TGFB1: variants seen among roughly 807,000 people sequenced by gnomAD.
TGFB1 encodes transforming growth factor beta-1 proprotein.
A neutral mutation model predicts 43.8 loss-of-function variants in TGFB1; 19 were observed. That is an observed-to-expected ratio of 0.43 (90% CI 0.30 to 0.64). The LOEUF (loss-of-function observed/expected upper bound fraction) is 0.64. TGFB1 is among the 30% of genes least tolerant of loss of function. The pLI, the probability that TGFB1 is intolerant of heterozygous loss-of-function variation, is 0.11. For missense variants in TGFB1, 445 were observed against 529.8 expected, an observed-to-expected ratio of 0.84 and a Z score of 1.57; for synonymous variants, 221 against 236.3, an observed-to-expected ratio of 0.94 and a Z score of 0.60.
At chr19:41,332,318 G>T in intron 5 of TGFB1, 37 bp from the exon 6 acceptor site, 4 of 1,601,320 alleles carry the variant, frequency 2.5e-6, no homozygotes, top group Non-Finnish European at 3.4e-6. Flanking sequence ...GCAGGGAGGG[G>T]CTACCACCAT....
Position 41,331,122 on chromosome 19 carries a change from T to A in TGFB1, c.1103A>T (p.Tyr368Phe). The A allele has an allele frequency of 6.3e-7, 1 of 1,583,068 alleles. No homozygotes were observed. Among genetic ancestry groups the A allele is most frequent in the Non-Finnish European group, 8.6e-7 (1 of 1,166,712 alleles). Residue 368 changes from tyrosine to phenylalanine, a missense_variant, in exon 7 of 7, where the codon TAC becomes TTC. By Grantham distance (22) the Tyr-to-Phe change is conservative (BLOSUM62 3). Around this residue, in one of 3 missense-constraint regions of TGFB1, gnomAD observed 56 missense variants for 46.9 expected, o/e 1.19. Coordinates refer to ENST00000221930, the MANE Select transcript of TGFB1 (RefSeq NM_000660.7). ...CACCTTGGGCTTGCGGCCCACGTAG[T>A]ACACGATGGGCAGCGGCTCCAGCGC... ...PQALEPLPIV[Y>F]YVGRKPKVEQ...
At chr19:41,334,089 A>G (rs1035475532) in intron 5 of TGFB1, among the ~76,000 whole-genome samples, 1 of 152,200 alleles carries the variant, frequency 6.6e-6, no homozygotes, top group Non-Finnish European at 1.5e-5. Context: ...AGAACTGTCA[A>G]AGAGGCCGGG....
At chr19:41,346,390 T>C (rs2038116560) in intron 2 of TGFB1, among the ~76,000 whole-genome samples, 1 of 152,178 alleles carries the variant, frequency 6.6e-6, no homozygotes, top group African/African-American at 2.4e-5. Context: ...TGGGGCTGGA[T>C]AGTCCACTCC....
chr19:41,333,185 A>G (rs1454563317), intron 5 of TGFB1, among the ~76,000 whole-genome samples: 1 of 132,262 alleles, frequency 7.6e-6, no homozygotes, highest in African/African-American at 2.8e-5. Context: ...TTGTTCCTTC[A>G]CTTCATTTCT....
At chr19:41,341,466 C>CAAAAAAAAAAAAAAA (rs770264069) in intron 5 of TGFB1, among the ~76,000 whole-genome samples, 4 of 35,582 alleles carry the variant, frequency 1.1e-4, no homozygotes, top group African/African-American at 5.0e-4. Context: ...GACTCTGTCT[C>CAAAAAAAAAAAAAAA]AAAAAAAAAA....
At chr19:41,333,209 A>ATAT (rs2037953760) in intron 5 of TGFB1, among the ~76,000 whole-genome samples, 1 of 86,400 alleles carries the variant, frequency 1.2e-5, no homozygotes, top group Non-Finnish European at 2.1e-5. Flanking sequence ...TTTTTTTTCT[A>ATAT]TTTTTTTTTT....
At chr19:41,334,195 C>T (rs931788654) in intron 5 of TGFB1, among the ~76,000 whole-genome samples, 2 of 151,620 alleles carry the variant, frequency 1.3e-5, no homozygotes, top group African/African-American at 4.8e-5. Context: ...ACCAACATGG[C>T]GAAACCCCGT....
chr19:41,345,098 C>T (rs2038101260), intron 2 of TGFB1, among the ~76,000 whole-genome samples: 1 of 152,230 alleles, frequency 6.6e-6, no homozygotes, highest in African/African-American at 2.4e-5. Context: ...CACCTTCACA[C>T]AGCTCAGCCG....
intron 6 of TGFB1, 184 bp downstream of exon 6, chr19:41,331,944 C>G (rs2037936405): frequency 2.6e-6 from 2 of 783,934 alleles, no homozygotes; most frequent in Admixed American, 5.7e-5. Flanking sequence ...GGCCCCTGCT[C>G]AGAGCCCCTC....
chr19:41,341,838 C>CA, intron 5 of TGFB1, 45 bp downstream of exon 5: 1 of 1,611,830 alleles, frequency 6.2e-7, no homozygotes, highest in Non-Finnish European at 8.5e-7. Flanking sequence ...AGATGGCAGT[C>CA]ATGCCCCCAG....
At chr19:41,342,132 A>T in intron 4 of TGFB1, 38 bp downstream of exon 4, 1 of 1,611,820 alleles carries the variant, frequency 6.2e-7, no homozygotes, top group African/African-American at 1.3e-5. Context: ...ACACGCACAC[A>T]CGTCACAACT....
chr19:41,344,990 C>T, intron 2 of TGFB1, 126 bp from the exon 3 acceptor site: 7 of 854,648 alleles, frequency 8.2e-6, no homozygotes, highest in Non-Finnish European at 1.4e-5. Context: ...CAGGCACTAC[C>T]CTCTCAGACA....
At chr19:41,350,662 T>G (rs1211426947) in intron 1 of TGFB1, among the ~76,000 whole-genome samples, 1 of 152,212 alleles carries the variant, frequency 6.6e-6, no homozygotes, top group African/African-American at 2.4e-5. Flanking sequence ...GAACAGGCCA[T>G]GAACTGCTGG....
rs950473947 is a variant in TGFB1 at position 41,342,335 on chromosome 19, G to C, written c.635-88C>G. 1.2e-5 allele frequency: 16 copies of C among 1,342,964 alleles called. No individual in the cohort carries two copies. The Admixed American group carries it at 3.0e-4, about 25-fold the overall frequency. 83.2% of individuals were successfully genotyped at this position (1,342,964 alleles called of 1,614,324 possible). A position where few individuals can be genotyped will look rare whatever the true frequency, so the allele number is the denominator to read the frequency against. ...AGGAAGGAAGGAGCAAACCCCAGGG[G>C]CTTCCTTCCTGCCTCCCCCACCCAC... is the stretch of plus-strand genomic sequence containing the variant. On this transcript the variant is annotated intron_variant, in intron 3 of 6. Coordinates refer to ENST00000221930, the MANE Select transcript of TGFB1 (RefSeq NM_000660.7).
chr19:41,352,912 G>A lies in TGFB1; in HGVS notation c.133C>T (p.Arg45Cys), dbSNP rs1555755308. Residue 45 changes from arginine to cysteine, a missense_variant, in exon 1 of 7, where the codon CGC (arginine) becomes TGC (cysteine). Arg to Cys is a radical substitution (Grantham distance 180). Coordinates refer to ENST00000221930, the MANE Select transcript of TGFB1 (RefSeq NM_000660.7). ...TIDMELVKRK[R>C]IEAIRGQILS... ...ATCTGGCCGCGGATGGCCTCGATGCGCTTCCGCTTCACCAGCTCCATGTCG... is the reference window on the plus strand; with the variant it reads ...ATCTGGCCGCGGATGGCCTCGATGCACTTCCGCTTCACCAGCTCCATGTCG... 6.4e-7 allele frequency: 1 copy of A among 1,557,836 alleles called. No homozygotes were observed. Among genetic ancestry groups the A allele is most frequent in the South Asian group, 1.2e-5 (1 of 85,576 alleles).
chr19:41,344,707 C>G (rs1332496382), intron 3 of TGFB1, 40 bp downstream of exon 3: 1 of 1,589,730 alleles, frequency 6.3e-7, no homozygotes, highest in Non-Finnish European at 8.6e-7. Context: ...GGGGTGGACC[C>G]CAGGGAGAAA....
intron 3 of TGFB1, 89 bp from the exon 4 acceptor site, chr19:41,342,336 C>A: frequency 7.8e-7 from 1 of 1,285,444 alleles, no homozygotes; most frequent in Admixed American, 2.0e-5. Context: ...ACCCCAGGGG[C>A]TTCCTTCCTG....
chr19:41,343,962 G>A (rs182221823), intron 3 of TGFB1, among the ~76,000 whole-genome samples: 1 of 123,976 alleles, frequency 8.1e-6, no homozygotes, highest in East Asian at 2.0e-4. Context: ...TGCACAGGCT[G>A]TTCCCTTTGC....
Position 41,344,916 on chromosome 19 carries a change from C to G in TGFB1, c.517-52G>C, listed in dbSNP as rs991646816. On this transcript the variant is annotated intron_variant, in intron 2 of 6. Coordinates refer to ENST00000221930, the MANE Select transcript of TGFB1 (RefSeq NM_000660.7). ...GACAGTGGGTAGATGGTGTCACGAC[C>G]CCACATACACTAACTGAATCCTTCA... The G allele has an allele frequency of 3.4e-6, 5 of 1,455,142 alleles. No homozygotes were observed. The African/African-American group carries it at 7.0e-5, about 20-fold the overall frequency. 90.1% of individuals were successfully genotyped at this position (1,455,142 alleles called of 1,614,324 possible).
Sources: gnomAD v4.1 joint callset for allele counts (sites outside exome capture counted in the v4.1 genomes callset) on GRCh38, gnomAD v4.1.1 for gene constraint, gnomAD v4.1.1 regional missense constraint, MANE v1.5 for transcripts, NCBI Gene and HGNC (gene_info 2026-07-23, HGNC 2026-07-21) for gene names.